Variants in PTPRJ observed in about 807,000 individuals in gnomAD.
The protein encoded by PTPRJ is receptor-type tyrosine-protein phosphatase eta.
In PTPRJ, 129 loss-of-function variants were observed where a neutral mutation model predicts 141.3. The ratio of observed to expected loss-of-function variants is 0.91; its 90% CI spans 0.79 to 1.06. The LOEUF (loss-of-function observed/expected upper bound fraction) is 1.06, where lower values mean the gene tolerates loss of function less well. Ranked by LOEUF, PTPRJ falls within the 50% of genes least tolerant of loss-of-function variation. The pLI, the probability that PTPRJ is intolerant of heterozygous loss-of-function variation, is 0.00. For missense variants in PTPRJ, 1,601 were observed against 1,679.7 expected (o/e 0.95, Z 0.82); for synonymous variants, 610 against 640.5 (o/e 0.95, Z 0.72).
chr11:48,105,403 G>A (rs1237202227), intron 1 of PTPRJ, among the ~76,000 whole-genome samples: 3 of 152,166 alleles, frequency 2.0e-5, no homozygotes, highest in African/African-American at 7.2e-5. Flanking sequence ...AGAGCCTGGA[G>A]AGCTCCTAGG....
chr11:48,030,235 G>A (rs1220120468), intron 1 of PTPRJ, among the ~76,000 whole-genome samples: 1 of 152,230 alleles, frequency 6.6e-6, no homozygotes, highest in Non-Finnish European at 1.5e-5. Flanking sequence ...AACTTTAGCT[G>A]TGTATAACAA....
At chr11:48,002,330 G>T (rs1286767762) in intron 1 of PTPRJ, among the ~76,000 whole-genome samples, 2 of 151,854 alleles carry the variant, frequency 1.3e-5, no homozygotes. Flanking sequence ...TAGAGATGGG[G>T]TTTCACCATG....
intron 3 of PTPRJ, among the ~76,000 whole-genome samples, chr11:48,116,623 A>T (rs1281663851): frequency 6.6e-6 from 1 of 152,240 alleles, no homozygotes; most frequent in Admixed American, 6.5e-5. Flanking sequence ...TAGAATACAC[A>T]CTTTTCAACT....
chr11:48,089,878 C>T (rs944406988), intron 1 of PTPRJ, among the ~76,000 whole-genome samples: 2 of 152,138 alleles, frequency 1.3e-5, no homozygotes, highest in African/African-American at 2.4e-5. Context: ...CTCGAGCCAG[C>T]CATTGAAGTG....
intron 10 of PTPRJ, 95 bp from the exon 11 acceptor site, chr11:48,139,391 C>G: frequency 7.4e-7 from 1 of 1,348,524 alleles, no homozygotes; most frequent in Non-Finnish European, 1.0e-6. Flanking sequence ...ATCACCCACC[C>G]ACCTTCTCAT....
At chr11:47,986,262 G>C (rs899254439) in intron 1 of PTPRJ, among the ~76,000 whole-genome samples, 3 of 152,192 alleles carry the variant, frequency 2.0e-5, no homozygotes, top group Non-Finnish European at 4.4e-5. Context: ...ACTGGGGTCT[G>C]GGATGGAAAG....
chr11:48,063,941 TG>T (rs1855007598), intron 1 of PTPRJ, among the ~76,000 whole-genome samples: 1 of 151,968 alleles, frequency 6.6e-6, no homozygotes, highest in African/African-American at 2.4e-5. Context: ...TGTGTGTGTG[TG>T]TGTTTTTAAA....
chr11:48,142,836 G>A, intron 11 of PTPRJ, 83 bp from the exon 12 acceptor site: 1 of 1,462,558 alleles, frequency 6.8e-7, no homozygotes, highest in South Asian at 1.3e-5. Flanking sequence ...ATCTTGAGGA[G>A]GTTGCTGAAG....
chr11:48,050,301 G>A (rs558458574), intron 1 of PTPRJ, among the ~76,000 whole-genome samples: 5 of 152,176 alleles, frequency 3.3e-5, no homozygotes, highest in South Asian at 4.2e-4. Flanking sequence ...TGAGCAGAAG[G>A]TGCAGAGATA....
At chr11:47,990,975 G>A (rs553547861) in intron 1 of PTPRJ, among the ~76,000 whole-genome samples, 1 of 151,990 alleles carries the variant, frequency 6.6e-6, no homozygotes, top group East Asian at 1.9e-4. Context: ...CACCGTGACC[G>A]GCGGAAAGTG....
At chr11:48,034,076 A>C (rs760800252) in intron 1 of PTPRJ, among the ~76,000 whole-genome samples, 1 of 152,182 alleles carries the variant, frequency 6.6e-6, no homozygotes, top group Non-Finnish European at 1.5e-5. Flanking sequence ...TTGGGTGGAA[A>C]GTAACCTGTA....
Position 48,121,054 on chromosome 11 carries a change from T to C in PTPRJ, c.404T>C (p.Val135Ala). Residue 135 changes from valine (V) to alanine (A), a missense_variant, in exon 4 of 25, where the codon GTG becomes GCG. Physicochemically the swap from Val to Ala is moderately conservative, Grantham distance 64. Transcript: ENST00000418331. ...IKAVSISPTN[V>A]ILTWKSNDTA... The stretch of plus-strand genomic sequence containing the variant: ...GCTGTTTCCATCAGTCCAACCAATG[T>C]GATCTTAACTTGGAAAAGTAATGAC... The C allele has an allele frequency of 6.2e-7, 1 of 1,613,184 alleles. No homozygotes were observed. The highest frequency in any genetic ancestry group is 8.5e-7 in the Non-Finnish European group (1 of 1,179,450).
intron 1 of PTPRJ, among the ~76,000 whole-genome samples, chr11:48,098,519 T>TAAATAACCTGTA (rs1197653996): frequency 1.8e-4 from 8 of 43,446 alleles, no homozygotes; most frequent in Admixed American, 6.1e-4. Context: ...TTTTATCTCT[T>TAAATAACCTGTA]TTTTTTTTTT....
chr11:47,995,307 C>T (rs138737733), intron 1 of PTPRJ, among the ~76,000 whole-genome samples: 19 of 152,278 alleles, frequency 1.2e-4, no homozygotes, highest in South Asian at 4.1e-4. Context: ...AATCCTATGA[C>T]GTAGGTATAG....
intron 1 of PTPRJ, among the ~76,000 whole-genome samples, chr11:48,090,141 C>G (rs1422390610): frequency 1.3e-5 from 2 of 152,164 alleles, no homozygotes; most frequent in Non-Finnish European, 1.5e-5. Context: ...TGCTGTGATT[C>G]AGTGCTGGCC....
chr11:48,139,912 A>G (rs2134363848), intron 11 of PTPRJ, 136 bp downstream of exon 11: 1 of 920,220 alleles, frequency 1.1e-6, no homozygotes, highest in South Asian at 1.8e-5. Flanking sequence ...GCTTTTACTG[A>G]CATAGACTGG....
At chr11:48,132,316 G>T (rs1856999842) in intron 8 of PTPRJ, 1 of 981,604 alleles carries the variant, frequency 1.0e-6, no homozygotes, top group African/African-American at 1.7e-5. Context: ...CAGGAGGATT[G>T]CTTGGCCCAA....
intron 10 of PTPRJ, among the ~76,000 whole-genome samples, chr11:48,138,170 G>GCT (rs1331542448): frequency 3.9e-5 from 6 of 152,202 alleles, no homozygotes; most frequent in Admixed American, 3.9e-4. Flanking sequence ...GGTAGTATAG[G>GCT]AGCTCCAGCC....
intron 1 of PTPRJ, among the ~76,000 whole-genome samples, chr11:48,060,427 T>C (rs183602386): frequency 0.012 from 1,859 of 152,160 alleles, 34 homozygotes; most frequent in African/African-American, 0.04. Context: ...GTTTTTTTTT[T>C]CTAAAGATCC....
Sources: gnomAD v4.1 joint callset for allele counts (sites outside exome capture counted in the v4.1 genomes callset) on GRCh38, gnomAD v4.1.1 for gene constraint, MANE v1.5 for transcripts, NCBI Gene and HGNC (gene_info 2026-07-23, HGNC 2026-07-21) for gene names.